DIRAS1: variants seen among roughly 807,000 people sequenced by gnomAD.
The protein encoded by DIRAS1 is GTP-binding protein Di-Ras1.
Under a neutral mutation model 11.5 loss-of-function variants are expected in DIRAS1, and 3 were observed. The ratio of observed to expected loss-of-function variants is 0.26; its 90% CI spans 0.12 to 0.67. DIRAS1 has a LOEUF of 0.67. Among genes scored for constraint, DIRAS1 ranks in the 30% least tolerant of loss-of-function variants. The pLI is 0.80. For synonymous variants in DIRAS1, 128 were observed against 125.8 expected, an observed-to-expected ratio of 1.02 and a Z score of -0.12; for missense variants, 212 against 285.3, an observed-to-expected ratio of 0.74 and a Z score of 1.85.
chr19:2,716,866 G>A lies in DIRAS1; in HGVS notation c.*344C>T, dbSNP rs1469449305. 1.4e-5 allele frequency: 4 copies of A among 282,722 alleles called. No individual in the cohort carries two copies. Among genetic ancestry groups the A allele is most frequent in the Admixed American group, 9.3e-5 (2 of 21,394 alleles). The allele number at this position is 282,722 out of a possible 1,614,324, so 17.5% of individuals were successfully genotyped here. A position where few individuals can be genotyped will look rare whatever the true frequency, so the allele number is the denominator to read the frequency against. ...ACACCCCAGGGAAAGAGATGGAAACGGGGAAACGCAGCCTCCTCTGGTCCT... is the reference window on the plus strand; with the variant it reads ...ACACCCCAGGGAAAGAGATGGAAACAGGGAAACGCAGCCTCCTCTGGTCCT... On this transcript the variant is annotated 3_prime_UTR_variant, in exon 2 of 2. Coordinates refer to ENST00000323469, the MANE Select transcript of DIRAS1 (RefSeq NM_145173.4).
At chr19:2,719,655 C>A (rs939686216) in intron 1 of DIRAS1, among the ~76,000 whole-genome samples, 17 of 151,360 alleles carry the variant, frequency 1.1e-4, no homozygotes, top group Non-Finnish European at 2.5e-4. Flanking sequence ...CCAGTTTCTA[C>A]CTGCTGCACT....
Position 2,716,936 on chromosome 19 carries a change from C to T in DIRAS1, c.*274G>A, listed in dbSNP as rs749887793. ...TCTTGCCAGCTCCCCATCCTGTTTT[C>T]CCATCTGCAGGACAAGGGGGCCACC... On this transcript the variant is annotated 3_prime_UTR_variant, in exon 2 of 2. Coordinates refer to ENST00000323469, the MANE Select transcript of DIRAS1 (RefSeq NM_145173.4). 2.3e-6 allele frequency: 1 copy of T among 432,890 alleles called. No individual in the cohort carries two copies. Among genetic ancestry groups the T allele is most frequent in the Admixed American group, 3.9e-5 (1 of 25,614 alleles). The allele number at this position is 432,890 out of a possible 1,614,324, so 26.8% of individuals were successfully genotyped here.
In DIRAS1 at chr19:2,717,797, G is replaced by C. The variant is rs1222838216; in HGVS notation, c.10C>G (p.Gln4Glu). ...ACCACCACGCGGTAATCGTTACTCT[G>C]TTCCGGCATCTTCCCCGCGGCGGGT... MPE[Q>E]SNDYRVVVFG... The change falls in exon 2 of 2, where the codon CAG becomes GAG. Residue 4 changes from glutamine (Q) to glutamate (E), a missense_variant. Transcript: ENST00000323469. 1.3e-6 allele frequency: 2 copies of C among 1,593,500 alleles called. No homozygotes were observed. Among genetic ancestry groups the C allele is most frequent in the African/African-American group, 1.3e-5 (1 of 74,920 alleles).
Position 2,717,306 on chromosome 19 carries a change from C to T in DIRAS1, c.501G>A (p.Leu167=), listed in dbSNP as rs1278723696. The T allele has an allele frequency of 6.2e-7, 1 of 1,612,266 alleles. No homozygotes were observed. The highest frequency in any genetic ancestry group is 1.3e-5 in the African/African-American group (1 of 74,918). ...VKELFQELLT[L]ETRRNMSLNI... ...TGAGGCTCATGTTCCGGCGCGTCTC[C>T]AGCGTCAGCAGCTCCTGGAAGAGCT... The change falls in exon 2 of 2, where the codon CTG becomes CTA. Residue 167 remains leucine (L), a synonymous_variant. Coordinates refer to ENST00000323469, the MANE Select transcript of DIRAS1 (RefSeq NM_145173.4).
Position 2,717,075 on chromosome 19 carries a change from C to CG in DIRAS1, c.*134dup, listed in dbSNP as rs3833260. The CG allele has an allele frequency of 4.5e-6, 4 of 882,666 alleles. No homozygotes were observed. In the East Asian group the frequency reaches 1.1e-4, roughly 23 times the overall value. The allele number at this position is 882,666 out of a possible 1,614,324, so 54.7% of individuals were successfully genotyped here. ...TGGGCAGGGGCAGCGGAGGGGGGGG[C>CG]GGTGGCCTCGGTTTCCCCAGCCGAG... On this transcript the variant is annotated 3_prime_UTR_variant, in exon 2 of 2. Transcript: ENST00000323469.
In DIRAS1 at chr19:2,718,620, G is replaced by A. The variant is rs1913883692; in HGVS notation, c.-69-745C>T. Among the ~76,000 whole-genome samples the A allele has an allele frequency of 6.6e-6, 1 of 152,134 alleles. No homozygotes were observed. Among genetic ancestry groups the A allele is most frequent in the Admixed American group, 6.5e-5 (1 of 15,276 alleles). On this transcript the variant is annotated intron_variant, in intron 1 of 1. Coordinates refer to ENST00000323469, the MANE Select transcript of DIRAS1 (RefSeq NM_145173.4). This position sits in a 1 kb window ranked among gnomAD's most constrained non-coding sequence, Gnocchi z 4.2. ...GGCTCGCCGCAACCTCCACCTCCCG[G>A]GTTCAAGCTATTCTCTTGCCTCAGC...
Position 2,718,752 on chromosome 19 carries a change from T to C in DIRAS1, c.-69-877A>G, listed in dbSNP as rs894120047. ...GTTGGTCAGGCAGGTCTTGAACTCC[T>C]GACCTCAGGTGATCCACCCACCTCG... On this transcript the variant is annotated intron_variant, in intron 1 of 1. Coordinates refer to ENST00000323469, the MANE Select transcript of DIRAS1 (RefSeq NM_145173.4). The surrounding 1 kb of genome is among the most constrained non-coding windows in gnomAD (Gnocchi z 4.2). Among the ~76,000 whole-genome samples, 20 of 152,138 alleles carry C rather than the reference T, an allele frequency of 1.3e-4. No homozygotes were observed. The highest frequency in any genetic ancestry group is 4.6e-4 in the African/African-American group (19 of 41,422).
rs1391849282 is a variant in DIRAS1 at position 2,717,375 on chromosome 19, G to T, written c.432C>A (p.Cys144Ter). Residue 144 changes from cysteine to a stop codon, truncating the protein, a stop_gained, in exon 2 of 2, where the codon TGC becomes TGA. Transcript: ENST00000323469. LOFTEE classifies it high-confidence loss of function. ...TCTTGGCCGAGGTCTCCATGAAAGCGCACTTCCACTCCTGGGCCACCGCCT... is the reference window on the plus strand; with the variant it reads ...TCTTGGCCGAGGTCTCCATGAAAGCTCACTTCCACTCCTGGGCCACCGCCT... ...EAQAVAQEWK[C>*]AFMETSAKMN... is the part of the protein sequence containing the mutation. 2 of 1,608,826 alleles carry T rather than the reference G, an allele frequency of 1.2e-6. No homozygotes were observed. Among genetic ancestry groups the T allele is most frequent in the Non-Finnish European group, 1.7e-6 (2 of 1,179,970 alleles).
chr19:2,718,777 G>A lies in DIRAS1; in HGVS notation c.-69-902C>T, dbSNP rs761964246. ...TGACCTCAGGTGATCCACCCACCTC[G>A]GCCTCCCAAAGTGCTGGGGTTACAG... On this transcript the variant is annotated intron_variant, in intron 1 of 1. Coordinates refer to ENST00000323469, the MANE Select transcript of DIRAS1 (RefSeq NM_145173.4). This position sits in a 1 kb window ranked among gnomAD's most constrained non-coding sequence, Gnocchi z 4.2. Among the ~76,000 whole-genome samples, 33 of 151,912 alleles carry A rather than the reference G, an allele frequency of 2.2e-4. No individual in the cohort carries two copies. The highest frequency in any genetic ancestry group is 3.7e-4 in the Non-Finnish European group (25 of 67,998).
At position 2,717,216 on chromosome 19, in the gene DIRAS1, G is replaced by C. The variant is rs1234371750; in HGVS notation, c.591C>G (p.Leu197=). The change falls in exon 2 of 2, where the codon CTC becomes CTG. Residue 197 remains leucine (L), a synonymous_variant. Transcript: ENST00000323469. ...RTDRVKGKCT[L]M ...GCAGGCGGGCGTTCCGGGCTCACATGAGGGTGCATTTGCCCTTGACGCGGT... is the reference window on the plus strand; with the variant it reads ...GCAGGCGGGCGTTCCGGGCTCACATCAGGGTGCATTTGCCCTTGACGCGGT... The C allele has an allele frequency of 1.3e-6, 2 of 1,586,700 alleles. No homozygotes were observed. Among genetic ancestry groups the C allele is most frequent in the Non-Finnish European group, 8.6e-7 (1 of 1,162,672 alleles).
chr19:2,717,308 G>A lies in DIRAS1; in HGVS notation c.499C>T (p.Leu167=). The part of the protein sequence containing the change: ...VKELFQELLT[L]ETRRNMSLNI... ...AGGCTCATGTTCCGGCGCGTCTCCA[G>A]CGTCAGCAGCTCCTGGAAGAGCTCC... The change falls in exon 2 of 2, where the codon CTG becomes TTG. Residue 167 remains leucine (L), a synonymous_variant. Transcript: ENST00000323469. 6.2e-7 allele frequency: 1 copy of A among 1,612,366 alleles called. No individual in the cohort carries two copies. The highest frequency in any genetic ancestry group is 8.5e-7 in the Non-Finnish European group (1 of 1,179,948).
rs1288410677 is a variant in DIRAS1, at chr19:2,714,829, A to C, written c.*2381T>G. 1 of 152,582 alleles carries C rather than the reference A, an allele frequency of 6.6e-6. No homozygotes were observed. The highest frequency in any genetic ancestry group is 1.5e-5 in the Non-Finnish European group (1 of 68,156). 9.5% of individuals were successfully genotyped at this position (152,582 alleles called of 1,614,324 possible). A position where few individuals can be genotyped will look rare whatever the true frequency, so the allele number is the denominator to read the frequency against. On this transcript the variant is annotated 3_prime_UTR_variant, in exon 2 of 2. Coordinates refer to ENST00000323469, the MANE Select transcript of DIRAS1 (RefSeq NM_145173.4). ...AGGGTCGGGCAGGGCCTGAGGTGGGAGAGGCCTGGAGGTGGGCAGGGCCCC... is the reference window on the plus strand; with the variant it reads ...AGGGTCGGGCAGGGCCTGAGGTGGGCGAGGCCTGGAGGTGGGCAGGGCCCC...
rs3745811 is a variant in DIRAS1, at chr19:2,717,075, C to T, written c.*135G>A. The stretch of plus-strand genomic sequence containing the variant: ...TGGGCAGGGGCAGCGGAGGGGGGGG[C>T]GGTGGCCTCGGTTTCCCCAGCCGAG... On this transcript the variant is annotated 3_prime_UTR_variant, in exon 2 of 2. Coordinates refer to ENST00000323469, the MANE Select transcript of DIRAS1 (RefSeq NM_145173.4). The T allele has an allele frequency of 1.2e-5, 11 of 881,312 alleles. No homozygotes were observed. In the East Asian group the frequency reaches 2.1e-4, roughly 17 times the overall value. The allele number at this position is 881,312 out of a possible 1,614,324, so 54.6% of individuals were successfully genotyped here.
Position 2,717,566 on chromosome 19 carries a change from C to G in DIRAS1, c.241G>C (p.Ala81Pro). 2 of 1,613,150 alleles carry G rather than the reference C, an allele frequency of 1.2e-6. No individual in the cohort carries two copies. Among genetic ancestry groups the G allele is most frequent in the Non-Finnish European group, 1.7e-6 (2 of 1,179,732 alleles). ...GTGACGGAGAACACCAGGATGAAGG[C>G]GTGGCCCTTGGAGATGGACAGGCGC... Reference protein sequence around the residue: ...MQRLSISKGHAFILVFSVTSK... With the variant: ...MQRLSISKGHPFILVFSVTSK... The change falls in exon 2 of 2, where the codon GCC (alanine) becomes CCC (proline). Residue 81 changes from alanine to proline, a missense_variant. Ala to Pro is a conservative substitution (Grantham distance 27, BLOSUM62 -1). Coordinates refer to ENST00000323469, the MANE Select transcript of DIRAS1 (RefSeq NM_145173.4).
At position 2,714,722 on chromosome 19, in the gene DIRAS1, A is replaced by G. The variant is rs8737; in HGVS notation, c.*2488T>C. The stretch of plus-strand genomic sequence containing the variant: ...GCAAGCATGGCCTGGCACAGTCCCC[A>G]GCACCAGGGATGCCCAGGCAGGATG... On this transcript the variant is annotated 3_prime_UTR_variant, in exon 2 of 2. Coordinates refer to ENST00000323469, the MANE Select transcript of DIRAS1 (RefSeq NM_145173.4). The G allele has an allele frequency of 0.36, 54,443 of 152,874 alleles. 12,647 individuals carry two copies. Among genetic ancestry groups the G allele is most frequent in the African/African-American group, 0.64 (26,594 of 41,508 alleles). The allele number at this position is 152,874 out of a possible 1,614,324, so 9.5% of individuals were successfully genotyped here.
chr19:2,717,994 G>C (rs1913868539), intron 1 of DIRAS1, 119 bp from the exon 2 acceptor site: 2 of 640,890 alleles, frequency 3.1e-6, no homozygotes, highest in Non-Finnish European at 5.3e-6. Context: ...CGTGCCTCCT[G>C]CCTCCTGAAA....
intron 1 of DIRAS1, among the ~76,000 whole-genome samples, chr19:2,720,728 TAGCGGGGGTCACG>T (rs1222710775): frequency 6.6e-6 from 1 of 152,034 alleles, no homozygotes; most frequent in Admixed American, 6.5e-5. Context: ...CCCAGGGGTC[TAGCGGGGGTCACG>T]CCTGACCAAG....
rs1461579171 is a variant in DIRAS1 at position 2,718,882 on chromosome 19, G to A, written c.-69-1007C>T. 6.7e-6 allele frequency among the ~76,000 whole-genome samples: 1 copy of A among 150,290 alleles called. No homozygotes were observed. Among genetic ancestry groups the A allele is most frequent in the Non-Finnish European group, 1.5e-5 (1 of 67,658 alleles). ...GTTGCCCAGGTTGGAGTTCAGTGGTGCAATCTCGGCTCACTGCAACCTCTG... is the reference window on the plus strand; with the variant it reads ...GTTGCCCAGGTTGGAGTTCAGTGGTACAATCTCGGCTCACTGCAACCTCTG... On this transcript the variant is annotated intron_variant, in intron 1 of 1. Transcript: ENST00000323469. This position sits in a 1 kb window ranked among gnomAD's most constrained non-coding sequence, Gnocchi z 4.2.
At chr19:2,719,628 T>A (rs1599477695) in intron 1 of DIRAS1, among the ~76,000 whole-genome samples, 1 of 115,150 alleles carries the variant, frequency 8.7e-6, no homozygotes, top group South Asian at 3.0e-4. Flanking sequence ...TGGTCTACAG[T>A]GGGAGAGGAG....
Sources: gnomAD v4.1 joint callset for allele counts (sites outside exome capture counted in the v4.1 genomes callset) on GRCh38, gnomAD v4.1.1 for gene constraint, Gnocchi (gnomAD v3.1) non-coding constraint, MANE v1.5 for transcripts, NCBI Gene and HGNC (gene_info 2026-07-23, HGNC 2026-07-21) for gene names.